Variants in COL9A1 observed in about 807,000 individuals in gnomAD.
The protein encoded by COL9A1 is collagen alpha-1(IX) chain.
Under a neutral mutation model 142.6 loss-of-function variants are expected in COL9A1, and 104 were observed. The ratio of observed to expected loss-of-function variants is 0.73; its 90% CI spans 0.62 to 0.86. The LOEUF (loss-of-function observed/expected upper bound fraction) is 0.86. COL9A1 is among the 40% of genes least tolerant of loss of function. The pLI, the probability that COL9A1 is intolerant of heterozygous loss-of-function variation, is 0.00. For synonymous variants in COL9A1, 466 were observed against 396.0 expected, an observed-to-expected ratio of 1.18 and a Z score of -2.10; for missense variants, 1,210 against 1,176.6, an observed-to-expected ratio of 1.03 and a Z score of -0.42.
chr6:70,260,900 C>T (rs1015750921), intron 19 of COL9A1, 190 bp from the exon 20 acceptor site: 18 of 532,216 alleles, frequency 3.4e-5, no homozygotes, highest in African/African-American at 3.1e-4. Context: ...TGATGGTAAA[C>T]CTTTTTATAA....
downstream of COL9A1, chr6:70,215,354 G>T (rs1213433094): frequency 3.9e-5 from 6 of 152,152 alleles, no homozygotes; most frequent in East Asian, 1.2e-3. Context: ...ACTAGGACTA[G>T]AATTTAAAAT....
At chr6:70,241,928 CAAAT>C in intron 30 of COL9A1, 32 bp downstream of exon 30, 4 of 1,543,262 alleles carry the variant, frequency 2.6e-6, no homozygotes, top group Non-Finnish European at 3.5e-6. Context: ...ATCACCCTTC[CAAAT>C]AAAGAACCTT....
intron 9 of COL9A1, 24 bp downstream of exon 9, chr6:70,280,980 C>T (rs377120871): frequency 3.1e-6 from 5 of 1,613,546 alleles, no homozygotes; most frequent in Non-Finnish European, 4.2e-6. Flanking sequence ...GGAAGTGGAG[C>T]GCCATATGCT....
chr6:70,240,609 G>A (rs554880899), intron 32 of COL9A1, 80 bp downstream of exon 32: 1 of 903,630 alleles, frequency 1.1e-6, no homozygotes, highest in African/African-American at 1.8e-5. Flanking sequence ...ATTTTGAACT[G>A]TGTTAGAAGT....
chr6:70,215,699 T>C (rs1171933412), downstream of COL9A1: 2 of 152,216 alleles, frequency 1.3e-5, no homozygotes, highest in Non-Finnish European at 2.9e-5. Flanking sequence ...ACATAAATCA[T>C]GTTTACAATA....
At chr6:70,291,214 TCAAAA>T (rs1773645677) in intron 5 of COL9A1, among the ~76,000 whole-genome samples, 1 of 152,124 alleles carries the variant, frequency 6.6e-6, no homozygotes, top group South Asian at 2.1e-4. Context: ...CCTTCAGTTT[TCAAAA>T]ATGAGGAACA....
intron 4 of COL9A1, among the ~76,000 whole-genome samples, chr6:70,297,070 G>A (rs1481975704): frequency 1.3e-5 from 2 of 152,064 alleles, no homozygotes; most frequent in Non-Finnish European, 2.9e-5. Flanking sequence ...ACAACCTGAA[G>A]TTAACTGAGG....
intron 37 of COL9A1, among the ~76,000 whole-genome samples, chr6:70,221,528 C>T (rs1768880039): frequency 2.0e-5 from 3 of 152,122 alleles, no homozygotes; most frequent in Admixed American, 2.0e-4. Context: ...TTTTTCCACT[C>T]AATAGTCTCA....
At chr6:70,280,940 A>G (rs941415416) in intron 9 of COL9A1, 64 bp downstream of exon 9, 2 of 1,612,696 alleles carry the variant, frequency 1.2e-6, no homozygotes, top group African/African-American at 2.7e-5. Context: ...CCCTTCAGAA[A>G]CAGGGGGCTG....
rs1773702393 is a variant in COL9A1 at position 70,292,726 on chromosome 6, T to C, written c.696+1441A>G. On this transcript the variant is annotated intron_variant, in intron 5 of 37. Transcript: ENST00000357250. ...TGTTTGTAACAGTGAGGAAGTAACCTAAAGTATCTTCCCCTTCACCCGTGG... is the reference window on the plus strand; with the variant it reads ...TGTTTGTAACAGTGAGGAAGTAACCCAAAGTATCTTCCCCTTCACCCGTGG... 2.6e-5 allele frequency among the ~76,000 whole-genome samples: 4 copies of C among 152,204 alleles called. No homozygotes were observed. The South Asian group carries it at 8.3e-4, about 31-fold the overall frequency.
chr6:70,236,376 C>T (rs1460910262), intron 33 of COL9A1, among the ~76,000 whole-genome samples: 1 of 151,936 alleles, frequency 6.6e-6, no homozygotes, highest in East Asian at 1.9e-4. Flanking sequence ...TGTTAAATTC[C>T]TCTGGTAAAA....
At chr6:70,262,133 A>T (rs1771730481) in intron 19 of COL9A1, among the ~76,000 whole-genome samples, 1 of 151,902 alleles carries the variant, frequency 6.6e-6, no homozygotes, top group Non-Finnish European at 1.5e-5. Context: ...TTTTTTAAAA[A>T]ACTTTAAATC....
chr6:70,291,357 C>G (rs1452713612), intron 5 of COL9A1, among the ~76,000 whole-genome samples: 1 of 152,128 alleles, frequency 6.6e-6, no homozygotes, highest in Non-Finnish European at 1.5e-5. Context: ...CCCCAGGACT[C>G]CTTTCAGACA....
In COL9A1 at chr6:70,280,256, G is replaced by A. The variant is rs951345281; in HGVS notation, c.975+556C>T. ...AACTCCATGGAAAGACGAAAATCTA[G>A]TTTTGAATTTCTAAATTCCCCGCAC... On this transcript the variant is annotated intron_variant, in intron 10 of 37. Coordinates refer to ENST00000357250, the MANE Select transcript of COL9A1 (RefSeq NM_001851.6). The A allele has an allele frequency of 9.7e-6, 12 of 1,237,686 alleles. No individual in the cohort carries two copies. The African/African-American group carries it at 1.4e-4, about 14-fold the overall frequency. The allele number at this position is 1,237,686 out of a possible 1,614,324, so 76.7% of individuals were successfully genotyped here. A position where few individuals can be genotyped will look rare whatever the true frequency, so the allele number is the denominator to read the frequency against.
chr6:70,248,527 G>A (rs1344282330), intron 28 of COL9A1, among the ~76,000 whole-genome samples: 1 of 152,156 alleles, frequency 6.6e-6, no homozygotes, highest in Non-Finnish European at 1.5e-5. Flanking sequence ...AATGTATGAA[G>A]TTATCTACAA....
Position 70,272,061 on chromosome 6 carries a change from T to G in COL9A1, c.1089+4A>C, listed in dbSNP as rs1345249725. Reference sequence around the variant, plus strand: ...ATAAAAATAAATGATGAAGTGATACTTACAGGGGGTCCAGGAATACCACGG... The same window carrying G: ...ATAAAAATAAATGATGAAGTGATACGTACAGGGGGTCCAGGAATACCACGG... On this transcript the variant is annotated splice_donor_region_variant and intron_variant, in intron 13 of 37. Transcript: ENST00000357250. 6.2e-7 allele frequency: 1 copy of G among 1,611,954 alleles called. No homozygotes were observed. Among genetic ancestry groups the G allele is most frequent in the Middle Eastern group, 1.7e-4 (1 of 6,056 alleles).
Position 70,255,221 on chromosome 6 carries a change from A to G in COL9A1, c.1558-18T>C, listed in dbSNP as rs192159251. The G allele has an allele frequency of 3.5e-5, 56 of 1,614,066 alleles. 1 individual carries two copies. In the Middle Eastern group the frequency reaches 6.6e-4, roughly 19 times the overall value. ...TCAGCCCCCTGCAGGGAGGAAGAGAAAGAATAGACAAGACATGTTCAGTTA... is the reference window on the plus strand; with the variant it reads ...TCAGCCCCCTGCAGGGAGGAAGAGAGAGAATAGACAAGACATGTTCAGTTA... On this transcript the variant is annotated intron_variant, in intron 22 of 37. Transcript: ENST00000357250.
Position 70,247,146 on chromosome 6 carries a change from T to C in COL9A1, c.1873-4431A>G, listed in dbSNP as rs147809711. On this transcript the variant is annotated intron_variant, in intron 28 of 37. Transcript: ENST00000357250. ...CCCAAGTCTGTTTAAAAGCACAAGT[T>C]GTGCTTGGAAAAAAATAAGTCTTTA... Among the ~76,000 whole-genome samples the C allele has an allele frequency of 3.3e-5, 5 of 152,342 alleles. No individual in the cohort carries two copies. The East Asian group carries it at 9.6e-4, about 29-fold the overall frequency.
At chr6:70,256,855 G>T in intron 20 of COL9A1, 34 bp from the exon 21 acceptor site, 2 of 1,601,522 alleles carry the variant, frequency 1.2e-6, no homozygotes, top group Non-Finnish European at 1.7e-6. Context: ...AAAAAACTGA[G>T]ATCAGTCATG....
Sources: allele counts gnomAD v4.1 joint callset (sites outside exome capture counted in the v4.1 genomes callset), GRCh38; gene constraint gnomAD v4.1.1; transcripts MANE v1.5; gene names NCBI Gene and HGNC (gene_info 2026-07-23, HGNC 2026-07-21).